Variants in ZNF469 observed in about 807,000 individuals in gnomAD.
ZNF469 encodes the protein zinc finger protein 469.
ZNF469 carries 1 observed loss-of-function variant against 1.0 expected under a neutral mutation model. That is an observed-to-expected ratio of 1.00 (90% CI 0.35 to 4.73). The LOEUF (loss-of-function observed/expected upper bound fraction) is 4.73. Ranked by LOEUF, ZNF469 falls within the 30% of genes most tolerant of loss-of-function variation. The pLI is 0.16. For synonymous variants in ZNF469, 2,703 were observed against 2,363.4 expected, an observed-to-expected ratio of 1.14 and a Z score of -4.17; for missense variants, 6,100 against 5,356.3, an observed-to-expected ratio of 1.14 and a Z score of -4.33.
At chr16:88,193,692 A>G in the ZNF469 span, 1 of 152,148 alleles carries the variant, frequency 6.6e-6, no homozygotes, top group East Asian at 1.9e-4. Flanking sequence ...GCAGAGCGAG[A>G]CCCTGTCTCT....
the ZNF469 span, among the ~76,000 whole-genome samples, chr16:88,205,815 G>A: frequency 2.6e-5 from 4 of 152,134 alleles, no homozygotes; most frequent in South Asian, 2.1e-4. This position sits in a 1 kb window ranked among gnomAD's most constrained non-coding sequence, Gnocchi z 4.2. Flanking sequence ...GTGAGGACTC[G>A]CACAGGCCAG....
At chr16:88,383,712 C>A (rs2092531083) in intron 1 of ZNF469, among the ~76,000 whole-genome samples, 1 of 151,426 alleles carries the variant, frequency 6.6e-6, no homozygotes, top group Non-Finnish European at 1.5e-5. Flanking sequence ...CTCCTCCGGG[C>A]CGCCCGCCCG....
rs916851969 is a variant in ZNF469 at position 88,437,422 on chromosome 16, G to T, written c.9952G>T (p.Gly3318Cys). 2 of 1,518,158 alleles carry T rather than the reference G, an allele frequency of 1.3e-6. No homozygotes were observed. The highest frequency in any genetic ancestry group is 1.4e-5 in the African/African-American group (1 of 71,018). 94.0% of individuals were successfully genotyped at this position (1,518,158 alleles called of 1,614,324 possible). ...CAGCCCGTCCCCCGACCCCTGGGCC[G>T]GCGGGGAGCCCCTCCTGCAAGCCAC... ...TPSPSPDPWA[G>C]GEPLLQATPV... is the part of the protein sequence containing the mutation. Residue 3318 changes from glycine (G) to cysteine (C), a missense_variant, in exon 3 of 3, where the codon GGC (glycine) becomes TGC (cysteine). By Grantham distance (159) the Gly-to-Cys change is radical. Transcript: ENST00000565624.
At chr16:88,179,217 C>A in the ZNF469 span, among the ~76,000 whole-genome samples, 1 of 152,166 alleles carries the variant, frequency 6.6e-6, no homozygotes, top group East Asian at 1.9e-4. Flanking sequence ...TGGAGTGAGG[C>A]CTACGGGCGG....
the ZNF469 span, among the ~76,000 whole-genome samples, chr16:88,114,136 G>C: frequency 1.3e-5 from 2 of 152,044 alleles, no homozygotes; most frequent in Non-Finnish European, 2.9e-5. Context: ...TGTGAATGGG[G>C]AGAACGGTAA....
chr16:88,143,061 C>A, the ZNF469 span, among the ~76,000 whole-genome samples: 1 of 152,180 alleles, frequency 6.6e-6, no homozygotes, highest in African/African-American at 2.4e-5. Context: ...AGGAGACAGG[C>A]TGAGATGGGG....
intron 1 of ZNF469, among the ~76,000 whole-genome samples, chr16:88,392,377 T>C (rs1015740524): frequency 1.3e-5 from 2 of 152,214 alleles, no homozygotes; most frequent in Non-Finnish European, 2.9e-5. Flanking sequence ...CGTAGGTGCC[T>C]CCTCCCCAGC....
At chr16:88,257,870 C>T in the ZNF469 span, among the ~76,000 whole-genome samples, 1 of 152,016 alleles carries the variant, frequency 6.6e-6, no homozygotes, top group Non-Finnish European at 1.5e-5. Flanking sequence ...TGTATGAGAC[C>T]CCACAAAAGG....
the ZNF469 span, among the ~76,000 whole-genome samples, chr16:88,320,126 CGGGGG>C: frequency 3.3e-5 from 5 of 152,224 alleles, no homozygotes; most frequent in African/African-American, 1.2e-4. Flanking sequence ...TTACAGAGCA[CGGGGG>C]AAGCTGCTTG....
the ZNF469 span, among the ~76,000 whole-genome samples, chr16:88,186,158 G>A: frequency 2.0e-5 from 3 of 152,208 alleles, no homozygotes. Context: ...CGACTGCGGG[G>A]GCGTCCACAA....
the ZNF469 span, among the ~76,000 whole-genome samples, chr16:88,340,726 T>C: frequency 2.4e-5 from 3 of 125,490 alleles, no homozygotes; most frequent in East Asian, 8.2e-4. Flanking sequence ...AGAATCCGCC[T>C]GCCTGGGCTG....
At chr16:88,250,235 G>A in the ZNF469 span, among the ~76,000 whole-genome samples, 5 of 152,264 alleles carry the variant, frequency 3.3e-5, no homozygotes, top group East Asian at 3.9e-4. Context: ...ACTAAAGGGC[G>A]CTGCCATTTT....
the ZNF469 span, among the ~76,000 whole-genome samples, chr16:88,259,642 C>T: frequency 6.6e-5 from 10 of 152,300 alleles, no homozygotes; most frequent in South Asian, 4.1e-4. The surrounding 1 kb of genome is among the most constrained non-coding windows in gnomAD (Gnocchi z 4.1). Context: ...ACAGCCACCC[C>T]CAGGCACCGC....
At chr16:88,239,866 C>T in the ZNF469 span, among the ~76,000 whole-genome samples, 1 of 148,798 alleles carries the variant, frequency 6.7e-6, no homozygotes, top group African/African-American at 2.5e-5. Context: ...GGCTAACAAT[C>T]ACTGTGGTCT....
Position 88,438,520 on chromosome 16 carries a change from T to C in ZNF469, c.11050T>C (p.Ser3684Pro), listed in dbSNP as rs1164921983. ...CTGCCAGAGCTCATCAAAGGACAGGTCGGCAGCATCCACCCCCAGCAAAGC... is the reference window on the plus strand; with the variant it reads ...CTGCCAGAGCTCATCAAAGGACAGGCCGGCAGCATCCACCCCCAGCAAAGC... ...AGCQSSSKDRSAASTPSKALK... is the reference protein window; with the variant it reads ...AGCQSSSKDRPAASTPSKALK... Residue 3684 changes from serine (S) to proline (P), a missense_variant, in exon 3 of 3, where the codon TCG becomes CCG. Physicochemically the swap from Ser to Pro is moderately conservative, Grantham distance 74. Coordinates refer to ENST00000565624, the MANE Select transcript of ZNF469 (RefSeq NM_001367624.2). 13 of 1,549,876 alleles carry C rather than the reference T, an allele frequency of 8.4e-6. No homozygotes were observed. The highest frequency in any genetic ancestry group is 1.1e-5 in the Non-Finnish European group (13 of 1,146,898).
At chr16:88,269,437 A>C in the ZNF469 span, among the ~76,000 whole-genome samples, 15 of 152,220 alleles carry the variant, frequency 9.9e-5, no homozygotes, top group East Asian at 2.9e-3. Flanking sequence ...CAGGAGATGA[A>C]TATCACCCTG....
At chr16:88,204,037 G>A in the ZNF469 span, among the ~76,000 whole-genome samples, 18 of 150,124 alleles carry the variant, frequency 1.2e-4, no homozygotes, top group Non-Finnish European at 2.6e-4. Flanking sequence ...AGAGCAATGG[G>A]AGGTGCCCCG....
chr16:88,434,566 C>T lies in ZNF469; in HGVS notation c.7096C>T (p.Leu2366=). Reference sequence around the variant, plus strand: ...TGCAGGGCCGGACTCCCCCGCCTGCCTGGAAGGTGAGATGGGGACCAGCAG... The same window carrying T: ...TGCAGGGCCGGACTCCCCCGCCTGCTTGGAAGGTGAGATGGGGACCAGCAG... ...QGAGPDSPAC[L]EGEMGTSSKE... Residue 2366 remains leucine, a synonymous_variant, in exon 3 of 3, where the codon CTG becomes TTG. Coordinates refer to ENST00000565624, the MANE Select transcript of ZNF469 (RefSeq NM_001367624.2). 6.5e-7 allele frequency: 1 copy of T among 1,550,346 alleles called. No homozygotes were observed. Among genetic ancestry groups the T allele is most frequent in the East Asian group, 2.4e-5 (1 of 40,926 alleles).
chr16:88,225,048 G>A, the ZNF469 span, among the ~76,000 whole-genome samples: 1 of 152,300 alleles, frequency 6.6e-6, no homozygotes, highest in South Asian at 2.1e-4. Flanking sequence ...GCTCCCCACT[G>A]TACATCCTCC....
Sources: allele counts gnomAD v4.1 joint callset (sites outside exome capture counted in the v4.1 genomes callset), GRCh38; gene constraint gnomAD v4.1.1; non-coding constraint Gnocchi (gnomAD v3.1); transcripts MANE v1.5; gene names NCBI Gene and HGNC (gene_info 2026-07-23, HGNC 2026-07-21).